SLC23A2: variants seen among roughly 807,000 people sequenced by gnomAD.
The protein encoded by SLC23A2 is Na(+)/L-ascorbic acid transporter 2.
SLC23A2 carries 36 observed loss-of-function variants against 73.3 expected under a neutral mutation model. The observed-to-expected ratio is 0.49, with a 90% confidence interval of 0.38 to 0.65. SLC23A2 has a LOEUF of 0.65. SLC23A2 is among the 30% of genes least tolerant of loss of function. The pLI is 0.00. For synonymous variants in SLC23A2, 343 were observed against 327.3 expected (o/e 1.05, Z -0.52); for missense variants, 507 against 841.6 (o/e 0.60, Z 4.92).
chr20:4,980,105 G>T (rs1310793963), intron 1 of SLC23A2, among the ~76,000 whole-genome samples: 1 of 152,024 alleles, frequency 6.6e-6, no homozygotes, highest in Non-Finnish European at 1.5e-5. Context: ...CACTCAAATT[G>T]GCATAAAAAA....
At chr20:4,895,365 C>T (rs911605228) in intron 6 of SLC23A2, among the ~76,000 whole-genome samples, 4 of 152,116 alleles carry the variant, frequency 2.6e-5, no homozygotes, top group African/African-American at 9.7e-5. Flanking sequence ...GTCTCTCTAC[C>T]CCAACTGCAG....
At chr20:4,971,006 CA>C (rs2087551791) in intron 1 of SLC23A2, 87 bp from the exon 2 acceptor site, 1 of 152,138 alleles carries the variant, frequency 6.6e-6, no homozygotes, top group Non-Finnish European at 1.5e-5. Context: ...TTCACCCAGC[CA>C]TGCCCAATCC....
intron 4 of SLC23A2, among the ~76,000 whole-genome samples, chr20:4,907,342 C>T (rs991985722): frequency 4.6e-5 from 7 of 152,000 alleles, no homozygotes; most frequent in African/African-American, 7.3e-5. Context: ...GGCAGGCCCA[C>T]GATTAGATAA....
rs755021325 is a variant in SLC23A2, at chr20:4,863,788, G to T, written c.1357-881C>A. 4.5e-4 allele frequency among the ~76,000 whole-genome samples: 68 copies of T among 152,274 alleles called. No homozygotes were observed. Among genetic ancestry groups the T allele is most frequent in the Non-Finnish European group, 8.8e-4 (60 of 68,020 alleles). ...CTTCCCTGTGGTTCCCTCCTAGCCA[G>T]ATCCTAGATGCATCCTTTTAAACAT... On this transcript the variant is annotated intron_variant, in intron 13 of 16. Transcript: ENST00000338244. The surrounding 1 kb of genome is among the most constrained non-coding windows in gnomAD (Gnocchi z 4.8).
intron 2 of SLC23A2, among the ~76,000 whole-genome samples, chr20:4,968,049 TG>T (rs971628943): frequency 2.6e-5 from 4 of 152,162 alleles, no homozygotes; most frequent in African/African-American, 9.7e-5. Context: ...TGACTGCCCT[TG>T]GTGGGCTGGA....
intron 4 of SLC23A2, among the ~76,000 whole-genome samples, chr20:4,907,860 A>C (rs1250265183): frequency 6.6e-6 from 1 of 152,176 alleles, no homozygotes; most frequent in Non-Finnish European, 1.5e-5. Flanking sequence ...CTTACTAAGG[A>C]AGGCCTTAAA....
chr20:4,875,266 A>G (rs1036380784), intron 9 of SLC23A2, among the ~76,000 whole-genome samples: 1 of 152,252 alleles, frequency 6.6e-6, no homozygotes, highest in Non-Finnish European at 1.5e-5. Flanking sequence ...GCAAAAAGTA[A>G]GCTTCACTGC....
intron 2 of SLC23A2, among the ~76,000 whole-genome samples, chr20:4,933,413 AGACCAG>A (rs1424179217): frequency 6.6e-6 from 1 of 151,976 alleles, no homozygotes; most frequent in African/African-American, 2.4e-5. Context: ...CAGGAGTTTG[AGACCAG>A]CCTGGCCAAC....
chr20:4,871,975 G>T (rs1003713839), intron 11 of SLC23A2, among the ~76,000 whole-genome samples: 4 of 152,060 alleles, frequency 2.6e-5, no homozygotes, highest in Non-Finnish European at 5.9e-5. Context: ...TTTTCCTTCA[G>T]ATATATATCT....
chr20:4,886,265 T>C (rs1177754011), intron 6 of SLC23A2, among the ~76,000 whole-genome samples: 2 of 152,244 alleles, frequency 1.3e-5, no homozygotes, highest in African/African-American at 4.8e-5. Flanking sequence ...AACTCCTTTT[T>C]AAACATCAGT....
At chr20:4,880,204 C>A (rs1162328190) in intron 9 of SLC23A2, among the ~76,000 whole-genome samples, 1 of 152,222 alleles carries the variant, frequency 6.6e-6, no homozygotes, top group African/African-American at 2.4e-5. Context: ...TTTCACAGAG[C>A]TCTGGAACAG....
chr20:4,860,640 C>A (rs1401572208), intron 15 of SLC23A2, among the ~76,000 whole-genome samples: 1 of 152,142 alleles, frequency 6.6e-6, no homozygotes, highest in Non-Finnish European at 1.5e-5. Flanking sequence ...ACTTGCACAT[C>A]AATATTCACA....
intron 3 of SLC23A2, among the ~76,000 whole-genome samples, chr20:4,920,387 G>A (rs1040471780): frequency 1.3e-5 from 2 of 152,180 alleles, no homozygotes; most frequent in African/African-American, 2.4e-5. Flanking sequence ...TCAACAGAGG[G>A]CAATTTGGTG....
intron 4 of SLC23A2, among the ~76,000 whole-genome samples, chr20:4,904,253 A>G (rs566722166): frequency 1.1e-4 from 16 of 152,336 alleles, no homozygotes; most frequent in Admixed American, 8.5e-4. Context: ...CAGATCCCCA[A>G]TTAAAAACCC....
At chr20:4,965,010 T>C (rs2087453524) in intron 2 of SLC23A2, among the ~76,000 whole-genome samples, 1 of 152,044 alleles carries the variant, frequency 6.6e-6, no homozygotes, top group Non-Finnish European at 1.5e-5. Context: ...ACAGTGTACA[T>C]ATGTCACTTT....
chr20:4,958,866 A>G, intron 2 of SLC23A2, among the ~76,000 whole-genome samples: 1 of 152,176 alleles, frequency 6.6e-6, no homozygotes, highest in Non-Finnish European at 1.5e-5. Flanking sequence ...ATTACTTTAA[A>G]TAACTTTAAA....
At chr20:4,949,172 CAGCTAT>C (rs1487181417) in intron 2 of SLC23A2, among the ~76,000 whole-genome samples, 1 of 151,344 alleles carries the variant, frequency 6.6e-6, no homozygotes, top group African/African-American at 2.4e-5. Context: ...CCTGTAATCC[CAGCTAT>C]TTGGGAGTCT....
intron 6 of SLC23A2, 58 bp from the exon 7 acceptor site, chr20:4,885,967 A>C: frequency 8.4e-6 from 9 of 1,068,838 alleles, no homozygotes; most frequent in Non-Finnish European, 1.3e-5. Flanking sequence ...GAGGTAGTTC[A>C]CTATTTGACA....
intron 2 of SLC23A2, among the ~76,000 whole-genome samples, chr20:4,957,900 CAA>C (rs368006652): frequency 1.6e-4 from 12 of 77,340 alleles, no homozygotes; most frequent in Admixed American, 4.5e-4. Flanking sequence ...GACTCCATCT[CAA>C]AAAAAAAAAA....
Sources: allele counts gnomAD v4.1 joint callset (sites outside exome capture counted in the v4.1 genomes callset), GRCh38; gene constraint gnomAD v4.1.1; non-coding constraint Gnocchi (gnomAD v3.1); transcripts MANE v1.5; gene names NCBI Gene and HGNC (gene_info 2026-07-23, HGNC 2026-07-21).